Variants in SNX13 observed in about 807,000 individuals in gnomAD.
SNX13 encodes the protein sorting nexin 13.
SNX13 carries 45 observed loss-of-function variants against 133.6 expected under a neutral mutation model. That is an observed-to-expected ratio of 0.34 (90% CI 0.27 to 0.43). SNX13 has a LOEUF of 0.43. SNX13 is among the 20% of genes least tolerant of loss of function. SNX13 has a pLI of 1.00. For missense variants in SNX13, 1,032 were observed against 1,145.1 expected (o/e 0.90, Z 1.43); for synonymous variants, 414 against 373.9 (o/e 1.11, Z -1.24).
At chr7:17,876,755 T>G (rs1251207282) in intron 5 of SNX13, among the ~76,000 whole-genome samples, 1 of 152,028 alleles carries the variant, frequency 6.6e-6, no homozygotes, top group African/African-American at 2.4e-5. Flanking sequence ...AAAGATACTG[T>G]TAATTCAGTA....
intron 1 of SNX13, among the ~76,000 whole-genome samples, chr7:17,916,704 T>TG (rs1799597799): frequency 6.7e-6 from 1 of 148,264 alleles, no homozygotes; most frequent in South Asian, 2.1e-4. Flanking sequence ...CTGGACCAGA[T>TG]GGATTCACAG....
chr7:17,804,301 T>C (rs1784948451), intron 20 of SNX13, among the ~76,000 whole-genome samples: 1 of 152,170 alleles, frequency 6.6e-6, no homozygotes, highest in Non-Finnish European at 1.5e-5. Context: ...GTTAGGTATT[T>C]TGAGTAGATA....
intron 13 of SNX13, among the ~76,000 whole-genome samples, chr7:17,837,529 T>A (rs1470766761): frequency 6.6e-6 from 1 of 151,996 alleles, no homozygotes; most frequent in Non-Finnish European, 1.5e-5. Context: ...GAAATTTGAT[T>A]TCGGTGCTCC....
At chr7:17,918,251 A>T (rs765217330) in intron 1 of SNX13, among the ~76,000 whole-genome samples, 6 of 152,198 alleles carry the variant, frequency 3.9e-5, no homozygotes, top group Non-Finnish European at 7.3e-5. Flanking sequence ...CCTCAAAAGC[A>T]AATGCAACAA....
chr7:17,794,311 AAC>A lies in SNX13; in HGVS notation c.2627-21_2627-20del. On this transcript the variant is annotated intron_variant, in intron 25 of 25. Coordinates refer to ENST00000428135, the MANE Select transcript of SNX13 (RefSeq NM_015132.5). ...AGCTCATCTAAATGAAGTGGAGGAA[AAC>A]ACACATAATTATTCAAAGGAAACAC... 6.3e-7 allele frequency: 1 copy of A among 1,599,070 alleles called. No homozygotes were observed. Among genetic ancestry groups the A allele is most frequent in the Non-Finnish European group, 8.5e-7 (1 of 1,173,240 alleles).
At chr7:17,907,023 G>A (rs1798478380) in intron 1 of SNX13, among the ~76,000 whole-genome samples, 1 of 152,028 alleles carries the variant, frequency 6.6e-6, no homozygotes, top group Non-Finnish European at 1.5e-5. Context: ...ATGTTCTTGG[G>A]GCGAAACACC....
intron 20 of SNX13, among the ~76,000 whole-genome samples, chr7:17,805,952 G>A (rs554970048): frequency 6.6e-6 from 1 of 152,100 alleles, no homozygotes; most frequent in East Asian, 1.9e-4. Flanking sequence ...AAGCATAAAA[G>A]CAAAGTCCAT....
chr7:17,927,305 C>T (rs151113505), intron 1 of SNX13, among the ~76,000 whole-genome samples: 1,706 of 151,682 alleles, frequency 0.011, 36 homozygotes, highest in African/African-American at 0.039. Context: ...TGCAGTGATG[C>T]GATCATAGCT....
intron 3 of SNX13, among the ~76,000 whole-genome samples, chr7:17,893,068 C>A (rs1054277703): frequency 1.3e-5 from 2 of 152,138 alleles, no homozygotes; most frequent in Admixed American, 6.5e-5. Flanking sequence ...GATAAGACAG[C>A]AGGAAAAATA....
intron 9 of SNX13, among the ~76,000 whole-genome samples, chr7:17,855,185 T>G (rs372029863): frequency 6.6e-6 from 1 of 152,108 alleles, no homozygotes; most frequent in African/African-American, 2.4e-5. Flanking sequence ...TAAAGGCTGA[T>G]AGAGGTAAGG....
chr7:17,839,079 A>G (rs951048121), intron 13 of SNX13, among the ~76,000 whole-genome samples: 2 of 149,788 alleles, frequency 1.3e-5, no homozygotes, highest in African/African-American at 4.9e-5. Context: ...CATGTATGCT[A>G]TAAGTTCTAA....
At chr7:17,887,937 G>A (rs1245730651) in intron 5 of SNX13, among the ~76,000 whole-genome samples, 1 of 151,928 alleles carries the variant, frequency 6.6e-6, no homozygotes, top group East Asian at 1.9e-4. Context: ...AAAGAATAGA[G>A]GTGATAGTTT....
chr7:17,860,476 A>G (rs941702311), intron 9 of SNX13, among the ~76,000 whole-genome samples: 1 of 152,110 alleles, frequency 6.6e-6, no homozygotes, highest in African/African-American at 2.4e-5. Flanking sequence ...GCAGTTTTTT[A>G]GTCTGATACA....
At chr7:17,840,316 T>G (rs1038236620) in intron 12 of SNX13, among the ~76,000 whole-genome samples, 3 of 152,058 alleles carry the variant, frequency 2.0e-5, no homozygotes, top group Non-Finnish European at 2.9e-5. Context: ...TGTTATAATA[T>G]GAATATTTCT....
intron 1 of SNX13, among the ~76,000 whole-genome samples, chr7:17,930,684 T>C (rs1390684820): frequency 6.6e-6 from 1 of 152,156 alleles, no homozygotes; most frequent in Non-Finnish European, 1.5e-5. Flanking sequence ...TCCTGTAACT[T>C]TGTGGTGTTC....
At chr7:17,905,946 C>G (rs1299443250) in intron 1 of SNX13, among the ~76,000 whole-genome samples, 1 of 152,108 alleles carries the variant, frequency 6.6e-6, no homozygotes, top group African/African-American at 2.4e-5. Context: ...GCTGGGACTA[C>G]CAGCATATAC....
rs143094556 is a variant in SNX13, at chr7:17,824,825, A to G, written c.1705+1197T>C. On this transcript the variant is annotated intron_variant, in intron 17 of 25. Transcript: ENST00000428135. ...TCGCTCTGTCGCCAGGCTAAAGTGCAGTGGTGTGATCTCGGCTCATTGAAA... is the reference window on the plus strand; with the variant it reads ...TCGCTCTGTCGCCAGGCTAAAGTGCGGTGGTGTGATCTCGGCTCATTGAAA... 1.6e-3 allele frequency among the ~76,000 whole-genome samples: 244 copies of G among 151,204 alleles called. 1 individual carries two copies. Among genetic ancestry groups the G allele is most frequent in the African/African-American group, 5.4e-3 (224 of 41,140 alleles).
At chr7:17,928,044 T>G (rs1379845207) in intron 1 of SNX13, among the ~76,000 whole-genome samples, 1 of 152,230 alleles carries the variant, frequency 6.6e-6, no homozygotes, top group Non-Finnish European at 1.5e-5. Context: ...AAGTTTTGAC[T>G]TCTGCTTTTC....
At chr7:17,875,459 A>G (rs750642572) in intron 7 of SNX13, 21 bp downstream of exon 7, 1 of 1,598,566 alleles carries the variant, frequency 6.3e-7, no homozygotes, top group Non-Finnish European at 8.5e-7. Flanking sequence ...TATTGTCAAA[A>G]AAGTTAAATT....
Sources: gnomAD v4.1 joint callset for allele counts (sites outside exome capture counted in the v4.1 genomes callset) on GRCh38, gnomAD v4.1.1 for gene constraint, MANE v1.5 for transcripts, NCBI Gene and HGNC (gene_info 2026-07-23, HGNC 2026-07-21) for gene names.